Variants in UBXN7 observed in about 807,000 individuals in gnomAD.
UBXN7 encodes the protein UBX domain-containing protein 7.
Under a neutral mutation model 58.0 loss-of-function variants are expected in UBXN7, and 9 were observed. The ratio of observed to expected loss-of-function variants is 0.16; its 90% CI spans 0.09 to 0.27. The LOEUF (loss-of-function observed/expected upper bound fraction) is 0.27. Ranked by LOEUF, UBXN7 falls within the 10% of genes least tolerant of loss-of-function variation. The pLI is 1.00. For missense variants in UBXN7, 328 were observed against 599.6 expected, an observed-to-expected ratio of 0.55 and a Z score of 4.73; for synonymous variants, 208 against 205.0, an observed-to-expected ratio of 1.01 and a Z score of -0.12.
chr3:196,373,677 T>A (rs1016885564), intron 5 of UBXN7, among the ~76,000 whole-genome samples: 1 of 151,618 alleles, frequency 6.6e-6, no homozygotes, highest in South Asian at 2.1e-4. Context: ...CACAAATAGC[T>A]TTTTTTTTGT....
intron 1 of UBXN7, chr3:196,416,332 G>A (rs553962620): frequency 6.6e-6 from 1 of 152,290 alleles, no homozygotes; most frequent in South Asian, 2.1e-4. Flanking sequence ...TCGGGAGGCT[G>A]AGGCGGGAGA....
At chr3:196,367,887 G>T in intron 8 of UBXN7, 141 bp downstream of exon 8, 1 of 1,154,754 alleles carries the variant, frequency 8.7e-7, no homozygotes, top group Non-Finnish European at 1.2e-6. Context: ...AATATAAGGA[G>T]GATATCTAAG....
intron 2 of UBXN7, among the ~76,000 whole-genome samples, chr3:196,406,215 T>C (rs935760520): frequency 1.3e-5 from 2 of 152,098 alleles, no homozygotes; most frequent in African/African-American, 2.4e-5. Context: ...GTATTTTTTG[T>C]AGAGACAGGG....
chr3:196,366,770 T>C (rs1215671231), intron 8 of UBXN7, among the ~76,000 whole-genome samples: 1 of 151,946 alleles, frequency 6.6e-6, no homozygotes, highest in Non-Finnish European at 1.5e-5. Flanking sequence ...ACATCTGTGG[T>C]CCCAGCTACT....
At chr3:196,416,040 A>G (rs1217240398) in intron 1 of UBXN7, 3 of 152,238 alleles carry the variant, frequency 2.0e-5, no homozygotes, top group Non-Finnish European at 4.4e-5. Flanking sequence ...TTACAGCACC[A>G]CAAAAAAGCA....
rs1021470342 is a variant in UBXN7, at chr3:196,371,965, G to A, written c.546C>T (p.Cys182=). 1 of 1,613,758 alleles carries A rather than the reference G, an allele frequency of 6.2e-7. No homozygotes were observed. Among genetic ancestry groups the A allele is most frequent in the South Asian group, 1.1e-5 (1 of 90,996 alleles). ...IQNVQDFACQ[C]LNRDVWSNEA... ...CGTTGCTCCACACATCGCGGTTGAG[G>A]CACTGACATGCAAAGTCTTGAACAT... The change falls in exon 6 of 11, where the codon TGC becomes TGT. Residue 182 remains cysteine (C), a synonymous_variant. Coordinates refer to ENST00000296328, the MANE Select transcript of UBXN7 (RefSeq NM_015562.2).
Position 196,422,185 on chromosome 3 carries a change from G to A in UBXN7, c.73+10142C>T, listed in dbSNP as rs983145820. Among the ~76,000 whole-genome samples, 9 of 152,150 alleles carry A rather than the reference G, an allele frequency of 5.9e-5. 1 individual carries two copies. Among genetic ancestry groups the A allele is most frequent in the Admixed American group, 5.2e-4 (8 of 15,270 alleles). On this transcript the variant is annotated intron_variant, in intron 1 of 10. Transcript: ENST00000296328. Reference sequence around the variant, plus strand: ...ACTGCACTCCAGCCTGGGTGACAGGGTGAGACTCCATCTCAAAAACAAAAA... The same window carrying A: ...ACTGCACTCCAGCCTGGGTGACAGGATGAGACTCCATCTCAAAAACAAAAA...
chr3:196,385,570 C>T (rs1021340261), intron 5 of UBXN7, among the ~76,000 whole-genome samples: 5 of 151,746 alleles, frequency 3.3e-5, no homozygotes, highest in African/African-American at 9.7e-5. Context: ...CGCCTCGGCC[C>T]GGCAGTGACC....
chr3:196,401,320 C>CACACACATAT (rs1189963065), intron 3 of UBXN7, among the ~76,000 whole-genome samples: 1 of 72,478 alleles, frequency 1.4e-5, no homozygotes, highest in African/African-American at 5.7e-5. Flanking sequence ...CACACACACA[C>CACACACATAT]ATATATATAT....
intron 4 of UBXN7, 53 bp from the exon 5 acceptor site, chr3:196,391,978 G>GAAAAAA (rs11335716): frequency 1.6e-4 from 31 of 194,810 alleles, no homozygotes; most frequent in South Asian, 3.5e-4. Flanking sequence ...GAATCACACT[G>GAAAAAA]AAAAAAAAAA....
At chr3:196,377,639 C>A (rs1395886146) in intron 5 of UBXN7, among the ~76,000 whole-genome samples, 4 of 151,940 alleles carry the variant, frequency 2.6e-5, no homozygotes, top group Non-Finnish European at 1.5e-5. Flanking sequence ...TACAGCCCCC[C>A]TCTCTCCTTC....
chr3:196,394,286 CAAAAAAA>C (rs34194652), intron 3 of UBXN7, among the ~76,000 whole-genome samples: 1 of 88,212 alleles, frequency 1.1e-5, no homozygotes, highest in African/African-American at 4.8e-5. Context: ...AACTCCATCT[CAAAAAAA>C]AAAAAAAAAA....
In UBXN7 at chr3:196,403,024, T is replaced by TAA; in HGVS notation, c.222-7_222-6dup. The TAA allele has an allele frequency of 6.4e-7, 1 of 1,556,202 alleles. No individual in the cohort carries two copies. The highest frequency in any genetic ancestry group is 8.7e-7 in the Non-Finnish European group (1 of 1,153,046). On this transcript the variant is annotated splice_region_variant and splice_polypyrimidine_tract_variant and intron_variant, in intron 2 of 10. Transcript: ENST00000296328. ...ATTGGGGCACGAACTTCTTCTCTAT[T>TAA]AAAAAAAAATGGGAAAATAAAAAAT...
chr3:196,419,731 CA>C (rs1298443669), intron 1 of UBXN7, among the ~76,000 whole-genome samples: 1 of 152,178 alleles, frequency 6.6e-6, no homozygotes, highest in Non-Finnish European at 1.5e-5. Flanking sequence ...GGAGAGAGGC[CA>C]GGGGTGATGT....
intron 1 of UBXN7, among the ~76,000 whole-genome samples, chr3:196,413,325 C>T (rs1469866792): frequency 2.6e-5 from 4 of 151,678 alleles, no homozygotes. Flanking sequence ...GCAACAAGAG[C>T]GAAACTCTGT....
chr3:196,394,743 G>A (rs1256489645), intron 3 of UBXN7, among the ~76,000 whole-genome samples: 1 of 152,162 alleles, frequency 6.6e-6, no homozygotes, highest in East Asian at 1.9e-4. Context: ...GTTGTATAGA[G>A]TAACTCTACA....
chr3:196,409,687 T>A (rs1282357426), intron 1 of UBXN7, among the ~76,000 whole-genome samples: 1 of 152,174 alleles, frequency 6.6e-6, no homozygotes, highest in Admixed American at 6.5e-5. Flanking sequence ...GATGTTCATC[T>A]CCATACATCC....
intron 6 of UBXN7, among the ~76,000 whole-genome samples, chr3:196,371,343 A>G (rs1335384583): frequency 6.6e-6 from 1 of 152,246 alleles, no homozygotes; most frequent in Admixed American, 6.5e-5. Flanking sequence ...TGTATTAGTT[A>G]TATAGATATA....
At chr3:196,369,678 A>G (rs190363644) in intron 6 of UBXN7, among the ~76,000 whole-genome samples, 167 bp from the exon 7 acceptor site, 2 of 152,298 alleles carry the variant, frequency 1.3e-5, no homozygotes, top group Admixed American at 1.3e-4. Flanking sequence ...AACTCCTTCA[A>G]CTTCCCACTT....
Sources: gnomAD v4.1 joint callset for allele counts (sites outside exome capture counted in the v4.1 genomes callset) on GRCh38, gnomAD v4.1.1 for gene constraint, MANE v1.5 for transcripts, NCBI Gene and HGNC (gene_info 2026-07-23, HGNC 2026-07-21) for gene names.